CNTNAP5: variants seen among roughly 807,000 people sequenced by gnomAD.
CNTNAP5 encodes contactin-associated protein-like 5.
A neutral mutation model predicts 150.2 loss-of-function variants in CNTNAP5; 72 were observed. That is an observed-to-expected ratio of 0.48 (90% CI 0.40 to 0.58). The LOEUF is 0.58. Ranked by LOEUF, CNTNAP5 falls within the 20% of genes least tolerant of loss-of-function variation. CNTNAP5 has a pLI of 0.00. For synonymous variants in CNTNAP5, 672 were observed against 619.8 expected (o/e 1.08, Z -1.25); for missense variants, 1,636 against 1,626.2 (o/e 1.01, Z -0.10).
At chr2:124,115,450 T>G (rs150535508) in intron 1 of CNTNAP5, among the ~76,000 whole-genome samples, 1 of 152,264 alleles carries the variant, frequency 6.6e-6, no homozygotes, top group African/African-American at 2.4e-5. Flanking sequence ...CCCTCAGTTT[T>G]TGGAAAACAT....
At chr2:124,621,463 A>G (rs1677612959) in intron 12 of CNTNAP5, among the ~76,000 whole-genome samples, 1 of 152,186 alleles carries the variant, frequency 6.6e-6, no homozygotes, top group Admixed American at 6.5e-5. Context: ...GGCTATTATG[A>G]TGCTCTGTTT....
intron 6 of CNTNAP5, among the ~76,000 whole-genome samples, chr2:124,473,468 T>C (rs1202055719): frequency 2.0e-5 from 3 of 152,058 alleles, no homozygotes; most frequent in African/African-American, 7.2e-5. Flanking sequence ...GGATTAATAA[T>C]ACTCTTCACC....
intron 2 of CNTNAP5, among the ~76,000 whole-genome samples, chr2:124,235,969 T>C (rs1336542310): frequency 4.9e-5 from 7 of 141,716 alleles, no homozygotes; most frequent in Admixed American, 4.9e-4. Context: ...ATTTATTTAT[T>C]TATTTATTTA....
At chr2:124,583,336 G>A (rs186829589) in intron 11 of CNTNAP5, among the ~76,000 whole-genome samples, 3 of 152,288 alleles carry the variant, frequency 2.0e-5, no homozygotes, top group Admixed American at 2.0e-4. Flanking sequence ...TACATAGCCG[G>A]GAACGATATG....
At chr2:124,834,308 C>T (rs1428044281) in intron 19 of CNTNAP5, among the ~76,000 whole-genome samples, 1 of 152,118 alleles carries the variant, frequency 6.6e-6, no homozygotes, top group African/African-American at 2.4e-5. Context: ...TTTGCCCCAA[C>T]TTACATATGC....
In CNTNAP5 at chr2:124,504,513, C is replaced by G; in HGVS notation, c.1284C>G (p.Leu428=). ...LLSLEGGILR[L]VIQKMTERVA... is the part of the protein sequence containing the mutation. The stretch of plus-strand genomic sequence containing the variant: ...GCCTGGAGGGTGGAATCCTGAGACT[C>G]GTGATTCAGAAAATGACAGAACGCG... The change falls in exon 8 of 24, where the codon CTC becomes CTG. Residue 428 remains leucine, a synonymous_variant. Transcript: ENST00000682447. 1 of 1,613,760 alleles carries G rather than the reference C, an allele frequency of 6.2e-7. No individual in the cohort carries two copies. Among genetic ancestry groups the G allele is most frequent in the Non-Finnish European group, 8.5e-7 (1 of 1,179,834 alleles).
intron 3 of CNTNAP5, among the ~76,000 whole-genome samples, chr2:124,253,897 A>G (rs748321588): frequency 2.0e-5 from 3 of 151,954 alleles, no homozygotes; most frequent in Non-Finnish European, 4.4e-5. Context: ...GATCAGGATT[A>G]TATTGTTTCA....
chr2:124,080,452 G>A (rs1682534402), intron 1 of CNTNAP5, among the ~76,000 whole-genome samples: 1 of 152,176 alleles, frequency 6.6e-6, no homozygotes, highest in Admixed American at 6.5e-5. Flanking sequence ...AAAGAACACT[G>A]TAACTCAGGC....
chr2:124,578,639 G>A (rs1029142943), intron 11 of CNTNAP5, among the ~76,000 whole-genome samples: 10 of 152,084 alleles, frequency 6.6e-5, no homozygotes, highest in Non-Finnish European at 1.5e-4. Context: ...AAGCACGGTG[G>A]TGCACGCCTA....
intron 11 of CNTNAP5, among the ~76,000 whole-genome samples, chr2:124,573,044 C>A (rs546780042): frequency 1.3e-5 from 2 of 152,304 alleles, no homozygotes; most frequent in South Asian, 2.1e-4. Context: ...TGTAAACATT[C>A]TTTTATGGCC....
intron 13 of CNTNAP5, among the ~76,000 whole-genome samples, chr2:124,734,095 G>A (rs1213133890): frequency 6.6e-6 from 1 of 152,068 alleles, no homozygotes; most frequent in East Asian, 1.9e-4. Context: ...TGCAGAGCTG[G>A]AGAACCAAGA....
At chr2:124,575,195 A>C (rs1209312884) in intron 11 of CNTNAP5, among the ~76,000 whole-genome samples, 1 of 152,228 alleles carries the variant, frequency 6.6e-6, no homozygotes, top group Non-Finnish European at 1.5e-5. Flanking sequence ...GCCCAGCAGG[A>C]CACAAGCCTG....
intron 17 of CNTNAP5, among the ~76,000 whole-genome samples, chr2:124,774,527 A>G (rs1399517189): frequency 6.6e-6 from 1 of 152,206 alleles, no homozygotes; most frequent in African/African-American, 2.4e-5. Flanking sequence ...TTAATTAATA[A>G]CTCATATATG....
Position 124,884,789 on chromosome 2 carries a change from C to T in CNTNAP5, c.3436+15027C>T, listed in dbSNP as rs796842829. ...ACCCTTGCCTCATCTATCAACATTACTCTCACCTACCTGTAATAACCCCTC... is the reference window on the plus strand; with the variant it reads ...ACCCTTGCCTCATCTATCAACATTATTCTCACCTACCTGTAATAACCCCTC... On this transcript the variant is annotated intron_variant, in intron 21 of 23. Coordinates refer to ENST00000682447, the MANE Select transcript of CNTNAP5 (RefSeq NM_001367498.1). Among the ~76,000 whole-genome samples the T allele has an allele frequency of 3.9e-5, 6 of 152,128 alleles. 1 individual carries two copies. The highest frequency in any genetic ancestry group is 1.4e-4 in the African/African-American group (6 of 41,516).
At chr2:124,668,428 T>A (rs1405599897) in intron 13 of CNTNAP5, among the ~76,000 whole-genome samples, 1 of 152,174 alleles carries the variant, frequency 6.6e-6, no homozygotes, top group Non-Finnish European at 1.5e-5. Context: ...ATTGAGCATG[T>A]GTTGAATCAT....
In CNTNAP5 at chr2:124,918,977, T is replaced by C. The variant is rs964341978; in HGVS notation, c.*4689T>C. Among the ~76,000 whole-genome samples the C allele has an allele frequency of 1.3e-5, 2 of 152,126 alleles. No individual in the cohort carries two copies. The highest frequency in any genetic ancestry group is 4.8e-5 in the African/African-American group (2 of 41,452). ...ATTGAATTATTTCTATATACTGTTC[T>C]TGAGTCTTTCTTGACCTCTTCTTTT... On this transcript the variant is annotated 3_prime_UTR_variant, in exon 24 of 24. Transcript: ENST00000682447.
intron 9 of CNTNAP5, among the ~76,000 whole-genome samples, chr2:124,526,099 T>C (rs1380402538): frequency 6.6e-6 from 1 of 152,212 alleles, no homozygotes; most frequent in African/African-American, 2.4e-5. Context: ...ATAATTCTGA[T>C]ACAATAAGCA....
intron 2 of CNTNAP5, among the ~76,000 whole-genome samples, chr2:124,223,754 C>T (rs929162414): frequency 2.0e-5 from 3 of 151,554 alleles, no homozygotes; most frequent in Non-Finnish European, 2.9e-5. Context: ...TTTTTCGGCT[C>T]ACCGGGGAAT....
intron 1 of CNTNAP5, among the ~76,000 whole-genome samples, chr2:124,159,810 T>C (rs1684631497): frequency 6.6e-6 from 1 of 152,164 alleles, no homozygotes; most frequent in Non-Finnish European, 1.5e-5. Flanking sequence ...CATGTCCAGC[T>C]GTATTAAAAA....
Sources: allele counts gnomAD v4.1 joint callset (sites outside exome capture counted in the v4.1 genomes callset), GRCh38; gene constraint gnomAD v4.1.1; transcripts MANE v1.5; gene names NCBI Gene and HGNC (gene_info 2026-07-23, HGNC 2026-07-21).